Variants in KIAA0319 observed in about 807,000 individuals in gnomAD.
KIAA0319 encodes the protein KIAA0319.
A neutral mutation model predicts 108.4 loss-of-function variants in KIAA0319; 83 were observed. That is an observed-to-expected ratio of 0.77 (90% CI 0.64 to 0.92). The LOEUF (loss-of-function observed/expected upper bound fraction) is 0.92. Ranked by LOEUF, KIAA0319 falls within the 40% of genes least tolerant of loss-of-function variation. The pLI is 0.00. For synonymous variants in KIAA0319, 484 were observed against 510.4 expected (o/e 0.95, Z 0.70); for missense variants, 1,195 against 1,322.4 (o/e 0.90, Z 1.49).
At chr6:24,552,879 A>G (rs1561911631) in intron 19 of KIAA0319, among the ~76,000 whole-genome samples, 1 of 152,216 alleles carries the variant, frequency 6.6e-6, no homozygotes, top group East Asian at 1.9e-4. Context: ...TGCTGAGGTT[A>G]CAGGCATGAG....
At chr6:24,540,210 T>G (rs1199770657), downstream of KIAA0319, among the ~76,000 whole-genome samples, 1 of 96,772 alleles carries the variant, frequency 1.0e-5, no homozygotes, top group African/African-American at 4.1e-5. Context: ...CGTAAACCAG[T>G]AGCATAGTCA....
chr6:24,582,204 C>A (rs1260697084), intron 6 of KIAA0319, 45 bp downstream of exon 6: 1 of 1,066,338 alleles, frequency 9.4e-7, no homozygotes. Context: ...GAGCTCTATG[C>A]CGTTACGCTG....
intron 3 of KIAA0319, among the ~76,000 whole-genome samples, chr6:24,593,653 G>A (rs1768899425): frequency 1.3e-5 from 2 of 150,830 alleles, no homozygotes; most frequent in Non-Finnish European, 3.0e-5. Context: ...CACCCACCTC[G>A]GCCTCCCAAA....
At chr6:24,579,751 T>C in intron 8 of KIAA0319, 107 bp downstream of exon 8, 1 of 788,354 alleles carries the variant, frequency 1.3e-6, no homozygotes, top group Non-Finnish European at 2.0e-6. Context: ...TGATCGTTTA[T>C]CAAAGTAACA....
chr6:24,610,418 A>G (rs1266577195), intron 1 of KIAA0319, among the ~76,000 whole-genome samples: 1 of 152,188 alleles, frequency 6.6e-6, no homozygotes, highest in Non-Finnish European at 1.5e-5. Flanking sequence ...GCTATAATAA[A>G]AAAGACAATT....
chr6:24,561,477 A>T (rs1372453245), intron 16 of KIAA0319, among the ~76,000 whole-genome samples: 1 of 152,174 alleles, frequency 6.6e-6, no homozygotes, highest in Non-Finnish European at 1.5e-5. Context: ...TCTGTTTAGG[A>T]ATTTGTCCAC....
intron 1 of KIAA0319, among the ~76,000 whole-genome samples, chr6:24,602,662 G>T (rs372573958): frequency 6.6e-6 from 1 of 152,116 alleles, no homozygotes; most frequent in African/African-American, 2.4e-5. Context: ...TTAGCTGGGC[G>T]TGGTGGCGGG....
intron 18 of KIAA0319, 72 bp downstream of exon 18, chr6:24,556,535 G>T: frequency 6.5e-7 from 1 of 1,536,254 alleles, no homozygotes; most frequent in Non-Finnish European, 8.8e-7. Flanking sequence ...ATATTAGGCA[G>T]ATATTTCTGA....
downstream of KIAA0319, among the ~76,000 whole-genome samples, chr6:24,541,601 C>T (rs542389123): frequency 2.6e-5 from 4 of 152,260 alleles, no homozygotes; most frequent in Non-Finnish European, 4.4e-5. Flanking sequence ...AGTTTGAGAC[C>T]GGCCTGGCCA....
chr6:24,612,487 A>G (rs1249511329), intron 1 of KIAA0319, among the ~76,000 whole-genome samples: 1 of 152,114 alleles, frequency 6.6e-6, no homozygotes, highest in African/African-American at 2.4e-5. Flanking sequence ...AAAAAGAAAG[A>G]AAAACTAGAA....
intron 20 of KIAA0319, among the ~76,000 whole-genome samples, chr6:24,550,112 G>T (rs966317588): frequency 1.3e-5 from 2 of 152,182 alleles, no homozygotes; most frequent in African/African-American, 4.8e-5. Flanking sequence ...CTTCCTGTGA[G>T]GCTCTTCCTG....
At chr6:24,600,903 A>T in intron 2 of KIAA0319, 146 bp downstream of exon 2, 1 of 1,048,678 alleles carries the variant, frequency 9.5e-7, no homozygotes, top group East Asian at 2.4e-5. Flanking sequence ...CTCATGCATG[A>T]GGTCTGCCTT....
intron 7 of KIAA0319, among the ~76,000 whole-genome samples, 158 bp downstream of exon 7, chr6:24,580,768 C>G (rs966226171): frequency 1.3e-5 from 2 of 151,996 alleles, no homozygotes; most frequent in African/African-American, 4.8e-5. Flanking sequence ...AAAAAAAAAC[C>G]AAAAATATAA....
Position 24,599,859 on chromosome 6 carries a change from G to A in KIAA0319, c.55+1190C>T, listed in dbSNP as rs182490206. On this transcript the variant is annotated intron_variant, in intron 2 of 20. Transcript: ENST00000378214. This position sits in a 1 kb window ranked among gnomAD's most constrained non-coding sequence, Gnocchi z 4.1. ...CCCAGAGCCTGTGGGGGAGGCCACT[G>A]TGCAGGGGAGCATAGGGAACAGGAG... 10 of 407,524 alleles carry A rather than the reference G, an allele frequency of 2.5e-5. No homozygotes were observed. Among genetic ancestry groups the A allele is most frequent in the African/African-American group, 6.2e-5 (3 of 48,200 alleles). The allele number at this position is 407,524 out of a possible 1,614,324, so 25.2% of individuals were successfully genotyped here.
At chr6:24,617,630 C>G (rs772925009) in intron 1 of KIAA0319, among the ~76,000 whole-genome samples, 1 of 152,116 alleles carries the variant, frequency 6.6e-6, no homozygotes, top group Non-Finnish European at 1.5e-5. Context: ...AAGTCAGAGC[C>G]TTGAGCTCAC....
intron 14 of KIAA0319, 152 bp downstream of exon 14, chr6:24,566,445 A>G (rs1259079201): frequency 1.4e-5 from 8 of 592,200 alleles, no homozygotes; most frequent in Non-Finnish European, 1.8e-5. Context: ...CCCAGCCTCC[A>G]TAATGGAGAC....
At chr6:24,610,102 GAA>G (rs1311499731) in intron 1 of KIAA0319, among the ~76,000 whole-genome samples, 4 of 152,004 alleles carry the variant, frequency 2.6e-5, no homozygotes, top group Non-Finnish European at 4.4e-5. Flanking sequence ...TCACCAAAAT[GAA>G]AAACTTTTGT....
In KIAA0319 at chr6:24,559,010, T is replaced by A. The variant is rs150584710; in HGVS notation, c.2734+3A>T. 1.2e-6 allele frequency: 2 copies of A among 1,608,894 alleles called. No homozygotes were observed. The highest frequency in any genetic ancestry group is 2.2e-5 in the South Asian group (2 of 89,862). ...GTTTTAGAATATTCCATAGGAGACC[T>A]ACCTGCTGTATCAACCCTCAAGACC... On this transcript the variant is annotated splice_donor_region_variant and intron_variant, in intron 17 of 20. Transcript: ENST00000378214.
At chr6:24,616,528 A>G (rs1773179567) in intron 1 of KIAA0319, among the ~76,000 whole-genome samples, 1 of 151,998 alleles carries the variant, frequency 6.6e-6, no homozygotes, top group African/African-American at 2.4e-5. Context: ...TAATTTTTGT[A>G]TTTTTAGTAG....
Sources: allele counts gnomAD v4.1 joint callset (sites outside exome capture counted in the v4.1 genomes callset), GRCh38; gene constraint gnomAD v4.1.1; non-coding constraint Gnocchi (gnomAD v3.1); transcripts MANE v1.5; gene names NCBI Gene and HGNC (gene_info 2026-07-23, HGNC 2026-07-21).